The following OTOF variants were observed in gnomAD, a reference collection of about 807,000 sequenced individuals.
OTOF encodes fer-1-like family member 2.
OTOF carries 218 observed loss-of-function variants against 236.8 expected under a neutral mutation model. That is an observed-to-expected ratio of 0.92 (90% CI 0.82 to 1.03). The LOEUF is 1.03. Ranked by LOEUF, OTOF falls within the 50% of genes least tolerant of loss-of-function variation. The pLI is 0.00. For synonymous variants in OTOF, 1,041 were observed against 1,072.5 expected (o/e 0.97, Z 0.57); for missense variants, 2,590 against 2,694.4 (o/e 0.96, Z 0.86).
chr2:26,537,399 AG>A, intron 2 of OTOF, among the ~76,000 whole-genome samples: 1 of 152,294 alleles, frequency 6.6e-6, no homozygotes, highest in Non-Finnish European at 1.5e-5. Flanking sequence ...TCAGGTCTAC[AG>A]CACCTGTGGG....
intron 39 of OTOF, 45 bp downstream of exon 39, chr2:26,464,824 A>AC: frequency 1.3e-6 from 2 of 1,564,104 alleles, no homozygotes; most frequent in South Asian, 1.2e-5. Flanking sequence ...GGCCTCTGAA[A>AC]CCCCCTGGAG....
At chr2:26,556,709 G>T (rs1399077240) in intron 1 of OTOF, among the ~76,000 whole-genome samples, 1 of 152,138 alleles carries the variant, frequency 6.6e-6, no homozygotes, top group Non-Finnish European at 1.5e-5. Flanking sequence ...GGTCCTGAGA[G>T]CTGGGACCAC....
rs1246981365 is a variant in OTOF at position 26,464,079 on chromosome 2, A to G, written c.4988T>C (p.Val1663Ala). Reference sequence around the variant, plus strand: ...CCAGTGCCTCAGGGCCAACAGCGCCACATGCTCGTCTGTGGGCTTCCTCTG... The same window carrying G: ...CCAGTGCCTCAGGGCCAACAGCGCCGCATGCTCGTCTGTGGGCTTCCTCTG... ...NGQRKPTDEH[V>A]ALLALRHWED... Residue 1663 changes from valine to alanine, a missense_variant, in exon 40 of 47, where the codon GTG (valine) becomes GCG (alanine). Coordinates refer to ENST00000272371, the MANE Select transcript of OTOF (RefSeq NM_194248.3). 1 of 1,613,672 alleles carries G rather than the reference A, an allele frequency of 6.2e-7. No homozygotes were observed. Among genetic ancestry groups the G allele is most frequent in the Non-Finnish European group, 8.5e-7 (1 of 1,180,014 alleles).
chr2:26,473,673 C>T lies in OTOF; in HGVS notation c.3409-106G>A. 8.6e-7 allele frequency: 1 copy of T among 1,164,074 alleles called. No individual in the cohort carries two copies. 72.1% of individuals were successfully genotyped at this position (1,164,074 alleles called of 1,614,324 possible). ...ATAGGGAACCGGGCAGTGGGATGGG[C>T]AGTAGTTCACCCCAGATTTCAAAGG... On this transcript the variant is annotated intron_variant, in intron 27 of 46. Coordinates refer to ENST00000272371, the MANE Select transcript of OTOF (RefSeq NM_194248.3). This position sits in a 1 kb window ranked among gnomAD's most constrained non-coding sequence, Gnocchi z 7.2.
chr2:26,520,494 T>C (rs1437535238), intron 3 of OTOF, among the ~76,000 whole-genome samples: 1 of 152,210 alleles, frequency 6.6e-6, no homozygotes, highest in African/African-American at 2.4e-5. Context: ...AATGCTCCCC[T>C]TTGGAGCTCA....
chr2:26,471,330 G>C (rs866539951), intron 30 of OTOF, among the ~76,000 whole-genome samples, 180 bp from the exon 31 acceptor site: 2 of 152,208 alleles, frequency 1.3e-5, no homozygotes, highest in Non-Finnish European at 1.5e-5. Context: ...AGTCTGCAAA[G>C]GGTCTGAGTG....
At position 26,477,316 on chromosome 2, in the gene OTOF, C is replaced by T. The variant is rs1365229808; in HGVS notation, c.2407-28G>A. 1 of 1,604,104 alleles carries T rather than the reference C, an allele frequency of 6.2e-7. No homozygotes were observed. Among genetic ancestry groups the T allele is most frequent in the Admixed American group, 1.7e-5 (1 of 59,418 alleles). On this transcript the variant is annotated intron_variant, in intron 20 of 46. Transcript: ENST00000272371. This position sits in a 1 kb window ranked among gnomAD's most constrained non-coding sequence, Gnocchi z 4.7. ...GCGAAGGAGGGGGTGTCAGTGAACCCAGCAACTGGGGGACAGCTCGGGCCA... is the reference window on the plus strand; with the variant it reads ...GCGAAGGAGGGGGTGTCAGTGAACCTAGCAACTGGGGGACAGCTCGGGCCA...
At chr2:26,537,653 C>T (rs1040437824) in intron 2 of OTOF, 63 bp downstream of exon 2, 12 of 1,311,130 alleles carry the variant, frequency 9.2e-6, no homozygotes, top group Middle Eastern at 2.0e-4. Context: ...CAAGAGGCAG[C>T]GAAGGGTGGC....
In OTOF at chr2:26,463,889, A is replaced by G; in HGVS notation, c.5103+75T>C. On this transcript the variant is annotated intron_variant, in intron 40 of 46. Transcript: ENST00000272371. ...GCGGACAGCGTGAGGCCTGGCTTCT[A>G]CCTTTACTGACTCAGGTTGGGGATC... 6 of 1,594,370 alleles carry G rather than the reference A, an allele frequency of 3.8e-6. No individual in the cohort carries two copies. The South Asian group carries it at 5.5e-5, about 15-fold the overall frequency.
chr2:26,499,232 A>G (rs1280645376), intron 8 of OTOF, among the ~76,000 whole-genome samples: 2 of 152,140 alleles, frequency 1.3e-5, no homozygotes, highest in Non-Finnish European at 2.9e-5. Context: ...AGATGGCAAT[A>G]ATCAGGAAAG....
chr2:26,519,640 G>T (rs922010436), intron 3 of OTOF, among the ~76,000 whole-genome samples: 5 of 152,186 alleles, frequency 3.3e-5, no homozygotes, highest in African/African-American at 1.2e-4. Flanking sequence ...GGGGAGAGGC[G>T]GTGCAATGCT....
intron 2 of OTOF, among the ~76,000 whole-genome samples, chr2:26,534,837 A>G (rs1522099): frequency 0.72 from 109,641 of 152,070 alleles, 40,958 homozygotes; most frequent in African/African-American, 0.88. Context: ...GCAGAGTAAG[A>G]CGGAGAGAAG....
intron 8 of OTOF, among the ~76,000 whole-genome samples, chr2:26,495,960 C>A (rs6722713): frequency 0.28 from 41,916 of 152,196 alleles, 7,441 homozygotes; most frequent in East Asian, 0.54. Flanking sequence ...GGCTCCCCCC[C>A]CTTTCCACAT....
At chr2:26,485,179 A>T in intron 11 of OTOF, among the ~76,000 whole-genome samples, 1 of 152,188 alleles carries the variant, frequency 6.6e-6, no homozygotes. Flanking sequence ...ATGCCCTTTT[A>T]TACCTCCATG....
chr2:26,516,615 C>A lies in OTOF; in HGVS notation c.328-16G>T, dbSNP rs199976848. On this transcript the variant is annotated splice_polypyrimidine_tract_variant and intron_variant, in intron 4 of 46. Coordinates refer to ENST00000272371, the MANE Select transcript of OTOF (RefSeq NM_194248.3). ...ACAGGCTGGTCTGAAGGGAGGGAGG[C>A]GGTGGTGAGCAGCTGGGATGGTGAC... 1 of 1,601,694 alleles carries A rather than the reference C, an allele frequency of 6.2e-7. No individual in the cohort carries two copies.
At chr2:26,527,970 C>T (rs1043143028) in intron 2 of OTOF, 50 bp from the exon 3 acceptor site, 2 of 1,348,944 alleles carry the variant, frequency 1.5e-6, no homozygotes, top group African/African-American at 1.4e-5. Flanking sequence ...CAGGTAGGAG[C>T]CGTGGGGTGT....
intron 4 of OTOF, among the ~76,000 whole-genome samples, chr2:26,517,185 AGG>A (rs1666554286): frequency 6.6e-6 from 1 of 152,196 alleles, no homozygotes; most frequent in Non-Finnish European, 1.5e-5. Context: ...AACCGGGCTC[AGG>A]CTTAGCAGTG....
chr2:26,558,055 C>T (rs952419090), intron 1 of OTOF, among the ~76,000 whole-genome samples: 1 of 152,006 alleles, frequency 6.6e-6, no homozygotes, highest in Non-Finnish European at 1.5e-5. Flanking sequence ...CAGGGAGCTA[C>T]TGGCTGCCTG....
intron 46 of OTOF, 108 bp from the exon 47 acceptor site, chr2:26,458,328 C>G: frequency 8.6e-7 from 1 of 1,164,614 alleles, no homozygotes; most frequent in Non-Finnish European, 1.3e-6. Context: ...ATGGCCCCAG[C>G]CCCAAAAGCA....
Sources: gnomAD v4.1 joint callset for allele counts (sites outside exome capture counted in the v4.1 genomes callset) on GRCh38, gnomAD v4.1.1 for gene constraint, Gnocchi (gnomAD v3.1) non-coding constraint, MANE v1.5 for transcripts, NCBI Gene and HGNC (gene_info 2026-07-23, HGNC 2026-07-21) for gene names.